The following RP2 variants were observed in gnomAD, a reference collection of about 807,000 sequenced individuals.
RP2 encodes RP2 activator of ARL3 GTPase.
RP2 carries 3 observed loss-of-function variants against 20.3 expected under a neutral mutation model. The ratio of observed to expected loss-of-function variants is 0.15; its 90% confidence interval spans 0.07 to 0.38. The LOEUF is 0.38. Among genes scored for constraint, RP2 ranks in the 10% least tolerant of loss-of-function variants. The probability of loss-of-function intolerance (pLI) is 1.00; values close to 1 mark genes in which losing one functional copy is unlikely to be tolerated. For missense variants in RP2, 233 were observed against 268.5 expected (o/e 0.87, Z 0.92); for synonymous variants, 75 against 94.8 (o/e 0.79, Z 1.22).
intron 1 of RP2, among the ~76,000 whole-genome samples, chrX:46,843,031 G>A (rs1177507411): frequency 5.4e-5 from 5 of 93,064 alleles, no homozygotes; most frequent in Admixed American, 2.6e-4. Context: ...TTTTTGAGAC[G>A]TAGTCTCACT....
At chrX:46,845,767 A>G (rs1216482263) in intron 1 of RP2, among the ~76,000 whole-genome samples, 1 of 111,212 alleles carries the variant, frequency 9.0e-6, no homozygotes, top group Non-Finnish European at 1.9e-5. Context: ...GCATGTATCA[A>G]GAGTTTTTTT....
At chrX:46,879,654 G>C (rs2147090196) in intron 4 of RP2, 32 bp from the exon 5 acceptor site, 1 of 984,565 alleles carries the variant, frequency 1.0e-6, no homozygotes, top group African/African-American at 1.9e-5. Context: ...ACTTGGTACT[G>C]ATTTTTTTTT....
chrX:46,842,614 A>G (rs1018525387), intron 1 of RP2, among the ~76,000 whole-genome samples: 10 of 112,019 alleles, frequency 8.9e-5, no homozygotes, highest in Non-Finnish European at 1.9e-4. Context: ...CCCTGTACCC[A>G]TTAGTAGTCA....
chrX:46,867,732 C>A, intron 3 of RP2, among the ~76,000 whole-genome samples: 1 of 110,066 alleles, frequency 9.1e-6, no homozygotes, highest in Non-Finnish European at 1.9e-5. Context: ...TTAGCCCCCA[C>A]ATATGAGTGA....
chrX:46,862,352 G>A (rs190215579), intron 3 of RP2, among the ~76,000 whole-genome samples: 40 of 106,545 alleles, frequency 3.8e-4, no homozygotes, highest in Non-Finnish European at 3.1e-4. Flanking sequence ...CTGGGCAAAA[G>A]AGCAAGACTC....
At chrX:46,866,139 GCT>G (rs1430739073) in intron 3 of RP2, among the ~76,000 whole-genome samples, 5 of 110,860 alleles carry the variant, frequency 4.5e-5, no homozygotes, top group Non-Finnish European at 9.4e-5. Context: ...CCTACAAGAT[GCT>G]CCAGGCTCAT....
chrX:46,859,423 A>T (rs1033769713), intron 2 of RP2, among the ~76,000 whole-genome samples: 4 of 107,776 alleles, frequency 3.7e-5, no homozygotes, highest in South Asian at 8.3e-4. Context: ...CAGGCGTTTG[A>T]GGCTGCAGTG....
chrX:46,853,942 C>T lies in RP2; in HGVS notation c.569C>T (p.Pro190Leu). The T allele has an allele frequency of 8.3e-7, 1 of 1,211,676 alleles. No individual in the cohort carries two copies. Among genetic ancestry groups the T allele is most frequent in the Non-Finnish European group, 1.1e-6 (1 of 895,384 alleles). ...VSGELNWSLLPEDAVVQDYVP... is the reference protein window; with the variant it reads ...VSGELNWSLLLEDAVVQDYVP... ...GGAGAACTCAACTGGAGCCTTCTTCCAGAAGATGCTGTGGTTCAGGACTAT... is the reference window on the plus strand; with the variant it reads ...GGAGAACTCAACTGGAGCCTTCTTCTAGAAGATGCTGTGGTTCAGGACTAT... The change falls in exon 2 of 5, where the codon CCA becomes CTA. Residue 190 changes from proline (P) to leucine (L), a missense_variant. Pro to Leu is a moderately conservative substitution (Grantham distance 98, BLOSUM62 -3). Coordinates refer to ENST00000218340, the MANE Select transcript of RP2 (RefSeq NM_006915.3).
chrX:46,853,990 A>G lies in RP2; in HGVS notation c.617A>G (p.Glu206Gly). The G allele has an allele frequency of 8.3e-7, 1 of 1,211,841 alleles. No individual in the cohort carries two copies. The highest frequency in any genetic ancestry group is 2.3e-4 in the Middle Eastern group (1 of 4,356). Residue 206 changes from glutamate to glycine, a missense_variant, in exon 2 of 5, where the codon GAG (glutamate) becomes GGG (glycine). By Grantham distance (98) the Glu-to-Gly change is moderately conservative. This residue lies in a region of RP2 where 118 missense variants were observed against 123.8 expected (regional missense o/e 0.95). Transcript: ENST00000218340. ...TATGTTCCTATACCTACTACCGAAG[A>G]GCTCAAAGCTGTTCGTGTTTCCACA... ...QDYVPIPTTEELKAVRVSTEA... is the reference protein window; with the variant it reads ...QDYVPIPTTEGLKAVRVSTEA...
chrX:46,847,630 G>C lies in RP2; in HGVS notation c.103-5846G>C, dbSNP rs782003221. Among the ~76,000 whole-genome samples, 4 of 101,673 alleles carry C rather than the reference G, an allele frequency of 3.9e-5. No individual in the cohort carries two copies. The East Asian group carries it at 1.3e-3, about 32-fold the overall frequency. 88.3% of individuals were successfully genotyped at this position (101,673 alleles called of 115,157 possible). A position where few individuals can be genotyped will look rare whatever the true frequency, so the allele number is the denominator to read the frequency against. ...TAGATGCACAAATCAATGGAATAGAGAGTTCATAAACAGGCATATCTCTCT... is the reference window on the plus strand; with the variant it reads ...TAGATGCACAAATCAATGGAATAGACAGTTCATAAACAGGCATATCTCTCT... On this transcript the variant is annotated intron_variant, in intron 1 of 4. Transcript: ENST00000218340.
chrX:46,852,740 G>A (rs1190881095), intron 1 of RP2, among the ~76,000 whole-genome samples: 3 of 110,061 alleles, frequency 2.7e-5, no homozygotes, highest in Non-Finnish European at 3.8e-5. Flanking sequence ...GCGCCACCAC[G>A]CCTGGGTAAT....
At chrX:46,838,380 A>G (rs1330431465) in intron 1 of RP2, among the ~76,000 whole-genome samples, 4 of 111,990 alleles carry the variant, frequency 3.6e-5, no homozygotes, top group Non-Finnish European at 7.5e-5. Flanking sequence ...ACTCGATAGT[A>G]GCATTTTATA....
At chrX:46,876,443 T>G (rs1259798068) in intron 3 of RP2, among the ~76,000 whole-genome samples, 1 of 111,600 alleles carries the variant, frequency 9.0e-6, no homozygotes, top group Admixed American at 9.6e-5. Flanking sequence ...TAAAAGAAAT[T>G]TTAATACATT....
intron 3 of RP2, among the ~76,000 whole-genome samples, chrX:46,874,700 CAAT>C (rs1447364363): frequency 3.6e-5 from 4 of 112,080 alleles, no homozygotes; most frequent in African/African-American, 1.3e-4. Flanking sequence ...ACAGAATTAA[CAAT>C]AATTCCTTAG....
At chrX:46,867,746 C>T (rs1419238465) in intron 3 of RP2, among the ~76,000 whole-genome samples, 4 of 110,336 alleles carry the variant, frequency 3.6e-5, no homozygotes, top group Non-Finnish European at 7.6e-5. Context: ...TGAGTGAGAG[C>T]ATGTGATATT....
intron 3 of RP2, among the ~76,000 whole-genome samples, chrX:46,867,543 T>C (rs1445687438): frequency 1.8e-5 from 2 of 112,672 alleles, no homozygotes; most frequent in Admixed American, 1.9e-4. Context: ...TGTAAGTTTT[T>C]TTATTAAGGT....
At position 46,847,756 on chromosome X, in the gene RP2, A is replaced by G. The variant is rs7059916; in HGVS notation, c.103-5720A>G. ...TATATACACACATATGTGTGTGTGTATATACACACATGTGTGTGTGTACAT... is the reference window on the plus strand; with the variant it reads ...TATATACACACATATGTGTGTGTGTGTATACACACATGTGTGTGTGTACAT... On this transcript the variant is annotated intron_variant, in intron 1 of 4. Transcript: ENST00000218340. Among the ~76,000 whole-genome samples, 149 of 86,099 alleles carry G rather than the reference A, an allele frequency of 1.7e-3. 1 individual carries two copies. Among genetic ancestry groups the G allele is most frequent in the African/African-American group, 5.7e-3 (117 of 20,624 alleles). 74.8% of individuals were successfully genotyped at this position (86,099 alleles called of 115,157 possible).
At chrX:46,851,936 G>A (rs1451081821) in intron 1 of RP2, among the ~76,000 whole-genome samples, 1 of 111,325 alleles carries the variant, frequency 9.0e-6, no homozygotes, top group African/African-American at 3.3e-5. Context: ...GCATGGTGGC[G>A]GGTGCCTGTA....
chrX:46,857,020 A>G (rs1381986674), intron 2 of RP2, among the ~76,000 whole-genome samples: 1 of 112,080 alleles, frequency 8.9e-6, no homozygotes, highest in Non-Finnish European at 1.9e-5. Context: ...TTCTCATGTC[A>G]TAACACAAAT....
Sources: allele counts gnomAD v4.1 joint callset (sites outside exome capture counted in the v4.1 genomes callset), GRCh38; gene constraint gnomAD v4.1.1; regional missense constraint gnomAD v4.1.1; transcripts MANE v1.5; gene names NCBI Gene and HGNC (gene_info 2026-07-23, HGNC 2026-07-21).